PAPSS1: variants seen among roughly 807,000 people sequenced by gnomAD.
The protein encoded by PAPSS1 is 3'-phosphoadenosine 5'-phosphosulfate synthase 1, also known as bifunctional 3'-phosphoadenosine 5'-phosphosulfate synthase 1.
A neutral mutation model predicts 72.0 loss-of-function variants in PAPSS1; 50 were observed. The observed-to-expected ratio is 0.69, with a 90% CI of 0.55 to 0.88. The LOEUF is 0.88. Ranked by LOEUF, PAPSS1 falls within the 40% of genes least tolerant of loss-of-function variation. PAPSS1 has a pLI of 0.00. For synonymous variants in PAPSS1, 261 were observed against 263.6 expected (o/e 0.99, Z 0.09); for missense variants, 657 against 782.2 (o/e 0.84, Z 1.91).
At chr4:107,696,433 C>T (rs976330946) in intron 2 of PAPSS1, among the ~76,000 whole-genome samples, 14 of 152,148 alleles carry the variant, frequency 9.2e-5, no homozygotes, top group Non-Finnish European at 1.5e-4. Flanking sequence ...GGGACATGGA[C>T]GGAGCTGGAA....
intron 11 of PAPSS1, among the ~76,000 whole-genome samples, chr4:107,621,151 T>C (rs968676355): frequency 6.6e-6 from 1 of 152,166 alleles, no homozygotes; most frequent in Non-Finnish European, 1.5e-5. Context: ...ATGAGTGTGC[T>C]GTGAGGAAGC....
rs1414584767 is a variant in PAPSS1, at chr4:107,614,054, A to G, written c.*195T>C. 2 of 427,664 alleles carry G rather than the reference A, an allele frequency of 4.7e-6. No individual in the cohort carries two copies. Among genetic ancestry groups the G allele is most frequent in the Non-Finnish European group, 8.3e-6 (2 of 241,164 alleles). 26.5% of individuals were successfully genotyped at this position (427,664 alleles called of 1,614,324 possible). A position where few individuals can be genotyped will look rare whatever the true frequency, so the allele number is the denominator to read the frequency against. ...TAACTATAATAAGTGGAAAAGATAC[A>G]TTAAAACCATCAGTGTGTTACACTT... On this transcript the variant is annotated 3_prime_UTR_variant, in exon 12 of 12. Transcript: ENST00000265174.
intron 5 of PAPSS1, among the ~76,000 whole-genome samples, chr4:107,671,775 C>T (rs1449100040): frequency 4.6e-5 from 7 of 152,144 alleles, no homozygotes; most frequent in Non-Finnish European, 1.0e-4. Context: ...CTCTGGATTA[C>T]ATATAATACC....
intron 5 of PAPSS1, among the ~76,000 whole-genome samples, chr4:107,677,404 A>G (rs1420717198): frequency 6.6e-6 from 1 of 152,252 alleles, no homozygotes; most frequent in Non-Finnish European, 1.5e-5. Context: ...TCAAAAGAAG[A>G]CATTTATGCA....
At chr4:107,687,952 C>G (rs768812063) in intron 3 of PAPSS1, among the ~76,000 whole-genome samples, 4 of 150,192 alleles carry the variant, frequency 2.7e-5, no homozygotes, top group Non-Finnish European at 5.9e-5. Flanking sequence ...TCCACTCTCA[C>G]CAGATTACCA....
chr4:107,633,845 G>C (rs1578387259), intron 10 of PAPSS1, among the ~76,000 whole-genome samples: 2 of 151,456 alleles, frequency 1.3e-5, no homozygotes, highest in African/African-American at 4.9e-5. Flanking sequence ...CGTGAACCCG[G>C]GAGGCGGAGC....
intron 2 of PAPSS1, 67 bp from the exon 3 acceptor site, chr4:107,694,073 T>C (rs1479000132): frequency 2.2e-5 from 25 of 1,142,510 alleles, no homozygotes; most frequent in Non-Finnish European, 2.6e-5. Flanking sequence ...AGTAATACTT[T>C]TTTTTTCCCA....
intron 2 of PAPSS1, among the ~76,000 whole-genome samples, chr4:107,700,699 T>C (rs1578431883): frequency 6.6e-6 from 1 of 152,222 alleles, no homozygotes; most frequent in Non-Finnish European, 1.5e-5. Flanking sequence ...TTTCTCAGCA[T>C]GTGATGCCTT....
intron 2 of PAPSS1, among the ~76,000 whole-genome samples, chr4:107,700,598 C>T (rs891221878): frequency 5.3e-5 from 8 of 152,160 alleles, no homozygotes; most frequent in African/African-American, 1.7e-4. Flanking sequence ...TGCAGTCTAA[C>T]GGAGGTGTTT....
At chr4:107,719,008 C>T (rs1453505311) in intron 1 of PAPSS1, among the ~76,000 whole-genome samples, 1 of 152,168 alleles carries the variant, frequency 6.6e-6, no homozygotes, top group African/African-American at 2.4e-5. Flanking sequence ...GATGAGAGAC[C>T]AGGCCAGGAG....
intron 5 of PAPSS1, among the ~76,000 whole-genome samples, chr4:107,662,620 T>C (rs961603687): frequency 1.3e-5 from 2 of 152,026 alleles, no homozygotes; most frequent in Non-Finnish European, 2.9e-5. Context: ...AAAGGACTCT[T>C]CCTTAAATCT....
intron 11 of PAPSS1, among the ~76,000 whole-genome samples, chr4:107,614,660 G>A (rs535697463): frequency 1.3e-5 from 2 of 152,240 alleles, no homozygotes; most frequent in South Asian, 4.1e-4. Flanking sequence ...AATATAGCCA[G>A]TCACCATTGT....
intron 3 of PAPSS1, among the ~76,000 whole-genome samples, chr4:107,690,021 G>C (rs1175628990): frequency 6.6e-6 from 1 of 152,012 alleles, no homozygotes; most frequent in African/African-American, 2.4e-5. Context: ...ATCTTTACTA[G>C]TCCCATTGCT....
intron 2 of PAPSS1, among the ~76,000 whole-genome samples, chr4:107,695,854 G>A (rs1723051419): frequency 6.6e-6 from 1 of 152,050 alleles, no homozygotes; most frequent in Non-Finnish European, 1.5e-5. Context: ...CTAATATCCA[G>A]AATCTACAAG....
intron 9 of PAPSS1, among the ~76,000 whole-genome samples, chr4:107,646,003 T>C (rs1204861273): frequency 1.3e-5 from 2 of 152,172 alleles, no homozygotes; most frequent in Non-Finnish European, 2.9e-5. Context: ...TGCCACATCA[T>C]GTAAAATCCA....
At chr4:107,673,805 G>A (rs574808935) in intron 5 of PAPSS1, among the ~76,000 whole-genome samples, 52 of 152,174 alleles carry the variant, frequency 3.4e-4, no homozygotes, top group African/African-American at 9.9e-4. Flanking sequence ...GAGAAAGGTC[G>A]GGTTACCCAA....
intron 3 of PAPSS1, among the ~76,000 whole-genome samples, chr4:107,692,724 T>G (rs1171767441): frequency 6.6e-6 from 1 of 151,666 alleles, no homozygotes; most frequent in Non-Finnish European, 1.5e-5. Flanking sequence ...AGCAAAGACA[T>G]AGAATCAACC....
Position 107,691,255 on chromosome 4 carries a change from T to C in PAPSS1, c.411+2516A>G, listed in dbSNP as rs1030818550. On this transcript the variant is annotated intron_variant, in intron 3 of 11. Transcript: ENST00000265174. Reference sequence around the variant, plus strand: ...AATTGTGCTAATATAATTTATTCCATTTATTGAATAGTTATTACATGCCAG... The same window carrying C: ...AATTGTGCTAATATAATTTATTCCACTTATTGAATAGTTATTACATGCCAG... 3.3e-5 allele frequency among the ~76,000 whole-genome samples: 5 copies of C among 152,242 alleles called. No individual in the cohort carries two copies. The South Asian group carries it at 6.2e-4, about 19-fold the overall frequency.
intron 5 of PAPSS1, 35 bp downstream of exon 5, chr4:107,681,980 T>C: frequency 9.5e-7 from 1 of 1,047,498 alleles, no homozygotes; most frequent in Non-Finnish European, 1.4e-6. Flanking sequence ...AGATATAATT[T>C]TTCTCTGATG....
Sources: allele counts gnomAD v4.1 joint callset (sites outside exome capture counted in the v4.1 genomes callset), GRCh38; gene constraint gnomAD v4.1.1; transcripts MANE v1.5; gene names NCBI Gene and HGNC (gene_info 2026-07-23, HGNC 2026-07-21).